The following ITCH variants were observed in gnomAD, a reference collection of about 807,000 sequenced individuals.
The protein encoded by ITCH is itchy E3 ubiquitin protein ligase, also known as E3 ubiquitin-protein ligase Itchy homolog.
In ITCH, 28 loss-of-function variants were observed where a neutral mutation model predicts 126.8. That is an observed-to-expected ratio of 0.22 (90% CI 0.16 to 0.30). The LOEUF (loss-of-function observed/expected upper bound fraction) is 0.30, where lower values mean the gene tolerates loss of function less well. ITCH is among the 10% of genes least tolerant of loss of function. The probability of loss-of-function intolerance (pLI) is 1.00; values close to 1 mark genes in which losing one functional copy is unlikely to be tolerated. For synonymous variants in ITCH, 342 were observed against 340.0 expected, an observed-to-expected ratio of 1.01 and a Z score of -0.06; for missense variants, 631 against 1,032.4, an observed-to-expected ratio of 0.61 and a Z score of 5.33.
chr20:34,428,466 T>G (rs760800827), intron 7 of ITCH, among the ~76,000 whole-genome samples: 1 of 152,254 alleles, frequency 6.6e-6, no homozygotes, highest in Non-Finnish European at 1.5e-5. Flanking sequence ...TCTGGATGTT[T>G]TATGTTTCTC....
At chr20:34,482,963 A>G (rs1001234419) in intron 20 of ITCH, among the ~76,000 whole-genome samples, 3 of 152,164 alleles carry the variant, frequency 2.0e-5, no homozygotes, top group Non-Finnish European at 4.4e-5. Context: ...CCTCAGGCTC[A>G]ACAGCACGTG....
intron 24 of ITCH, among the ~76,000 whole-genome samples, chr20:34,507,358 T>C (rs1280126219): frequency 1.3e-5 from 2 of 149,934 alleles, no homozygotes; most frequent in Non-Finnish European, 3.0e-5. Context: ...TGGTATCTCA[T>C]TGTGGTTTTT....
intron 20 of ITCH, 63 bp downstream of exon 20, chr20:34,481,269 C>G: frequency 1.4e-6 from 2 of 1,454,360 alleles, no homozygotes; most frequent in Non-Finnish European, 9.6e-7. Context: ...TAATTGCTTA[C>G]TAATACTAAT....
intron 23 of ITCH, among the ~76,000 whole-genome samples, chr20:34,500,124 A>G (rs929205874): frequency 1.6e-4 from 25 of 152,334 alleles, no homozygotes; most frequent in African/African-American, 5.8e-4. Flanking sequence ...AGAATGTTCC[A>G]TGTGCTGATG....
intron 3 of ITCH, among the ~76,000 whole-genome samples, chr20:34,400,033 G>C (rs918116671): frequency 6.6e-6 from 1 of 151,850 alleles, no homozygotes; most frequent in Non-Finnish European, 1.5e-5. Flanking sequence ...CTGACTCCCT[G>C]GTTCAAGCAA....
At position 34,507,927 on chromosome 20, in the gene ITCH, T is replaced by C. The variant is rs1267745093; in HGVS notation, c.*133T>C. ...TCTGAGTGTAAGTAAATTAATGTTC[T>C]CATTTAGATTTATCTCCCAGTGATT... On this transcript the variant is annotated 3_prime_UTR_variant, in exon 25 of 25. Transcript: ENST00000374864. 8.6e-6 allele frequency: 6 copies of C among 700,450 alleles called. No homozygotes were observed. In the African/African-American group the frequency reaches 1.1e-4, roughly 12 times the overall value. The allele number at this position is 700,450 out of a possible 1,614,324, so 43.4% of individuals were successfully genotyped here.
intron 7 of ITCH, among the ~76,000 whole-genome samples, chr20:34,425,064 C>T (rs990583064): frequency 1.3e-5 from 2 of 152,216 alleles, no homozygotes; most frequent in Admixed American, 1.3e-4. Context: ...ACGTAAGAAA[C>T]TCCATTTTGA....
At chr20:34,391,236 C>T (rs2038480464) in intron 2 of ITCH, among the ~76,000 whole-genome samples, 1 of 152,166 alleles carries the variant, frequency 6.6e-6, no homozygotes, top group Non-Finnish European at 1.5e-5. Context: ...TCAAACAATA[C>T]ATACAAAACT....
intron 14 of ITCH, among the ~76,000 whole-genome samples, chr20:34,469,356 T>G (rs1392575634): frequency 6.6e-6 from 1 of 152,182 alleles, no homozygotes. Context: ...TGGTGCAATC[T>G]CAGCTCACTG....
chr20:34,498,927 T>G (rs780525533), intron 23 of ITCH, among the ~76,000 whole-genome samples: 1 of 152,044 alleles, frequency 6.6e-6, no homozygotes, highest in Non-Finnish European at 1.5e-5. Flanking sequence ...CTTTAAATGT[T>G]TGTTAGAATT....
rs571607462 is a variant in ITCH at position 34,401,141 on chromosome 20, T to G, written c.70+7260T>G. Among the ~76,000 whole-genome samples, 4 of 152,316 alleles carry G rather than the reference T, an allele frequency of 2.6e-5. No homozygotes were observed. In the East Asian group the frequency reaches 7.7e-4, roughly 29 times the overall value. On this transcript the variant is annotated intron_variant, in intron 3 of 24. Transcript: ENST00000374864. ...ATGTTTTGAATCAGCTCTTCGTTTCTTCTTATCATTTAGCCAGGGTCTTTA... is the reference window on the plus strand; with the variant it reads ...ATGTTTTGAATCAGCTCTTCGTTTCGTCTTATCATTTAGCCAGGGTCTTTA...
intron 10 of ITCH, among the ~76,000 whole-genome samples, chr20:34,443,879 A>C (rs534078218): frequency 6.6e-6 from 1 of 152,250 alleles, no homozygotes; most frequent in African/African-American, 2.4e-5. Flanking sequence ...CTAGTTAATC[A>C]GGAGTCTGAA....
intron 5 of ITCH, among the ~76,000 whole-genome samples, 196 bp downstream of exon 5, chr20:34,412,835 C>G (rs1003156917): frequency 1.3e-5 from 2 of 151,946 alleles, no homozygotes; most frequent in South Asian, 4.2e-4. Flanking sequence ...ATTTTGGATT[C>G]AGTATTTTTA....
intron 2 of ITCH, among the ~76,000 whole-genome samples, chr20:34,376,963 A>G (rs973092222): frequency 6.6e-6 from 1 of 152,196 alleles, no homozygotes; most frequent in Non-Finnish European, 1.5e-5. Flanking sequence ...TGTACAGGCT[A>G]TATTCCTCTT....
At chr20:34,467,255 C>A (rs1987155524) in intron 14 of ITCH, among the ~76,000 whole-genome samples, 1 of 151,984 alleles carries the variant, frequency 6.6e-6, no homozygotes, top group South Asian at 2.1e-4. Context: ...AAGGGCAGGC[C>A]CAGTGGCTCA....
chr20:34,440,077 A>G, intron 8 of ITCH, 78 bp from the exon 9 acceptor site: 1 of 1,038,454 alleles, frequency 9.6e-7, no homozygotes. Context: ...TCTGCCTTTT[A>G]TTTTTTACAG....
chr20:34,424,789 G>C (rs902796629), intron 7 of ITCH, among the ~76,000 whole-genome samples: 1 of 152,058 alleles, frequency 6.6e-6, no homozygotes, highest in African/African-American at 2.4e-5. Flanking sequence ...TCAGAGGCAG[G>C]GTGTTCTAAA....
At chr20:34,445,980 A>G (rs1391461854) in intron 11 of ITCH, among the ~76,000 whole-genome samples, 1 of 152,164 alleles carries the variant, frequency 6.6e-6, no homozygotes, top group African/African-American at 2.4e-5. Context: ...AATCTTTATT[A>G]TCTTTGATAT....
At chr20:34,430,293 T>C (rs1982111611) in intron 7 of ITCH, among the ~76,000 whole-genome samples, 1 of 152,202 alleles carries the variant, frequency 6.6e-6, no homozygotes, top group Non-Finnish European at 1.5e-5. Context: ...CCTGAGCTCG[T>C]AACTATCATG....
Sources: gnomAD v4.1 joint callset for allele counts (sites outside exome capture counted in the v4.1 genomes callset) on GRCh38, gnomAD v4.1.1 for gene constraint, MANE v1.5 for transcripts, NCBI Gene and HGNC (gene_info 2026-07-23, HGNC 2026-07-21) for gene names.